MTUS2: variants seen among roughly 807,000 people sequenced by gnomAD.
MTUS2 encodes microtubule associated scaffold protein 2, also known as microtubule-associated tumor suppressor candidate 2.
Under a neutral mutation model 114.1 loss-of-function variants are expected in MTUS2, and 40 were observed. The ratio of observed to expected loss-of-function variants is 0.35; its 90% confidence interval spans 0.27 to 0.46. MTUS2 has a LOEUF of 0.46. Among genes scored for constraint, MTUS2 ranks in the 20% least tolerant of loss-of-function variants. The pLI, the probability that MTUS2 is intolerant of heterozygous loss-of-function variation, is 1.00. For missense variants in MTUS2, 1,679 were observed against 1,705.4 expected (o/e 0.98, Z 0.27); for synonymous variants, 688 against 672.0 (o/e 1.02, Z -0.37).
chr13:29,335,177 G>C (rs975715306), intron 7 of MTUS2, among the ~76,000 whole-genome samples: 3 of 152,184 alleles, frequency 2.0e-5, no homozygotes, highest in African/African-American at 7.2e-5. Flanking sequence ...CTGAGAAAGA[G>C]AATGCGTCCC....
At chr13:28,853,546 A>G (rs1388194813) in intron 2 of MTUS2, among the ~76,000 whole-genome samples, 1 of 152,230 alleles carries the variant, frequency 6.6e-6, no homozygotes, top group Non-Finnish European at 1.5e-5. Flanking sequence ...TGGAAGTTCC[A>G]TTGTGTGGAG....
chr13:29,211,892 A>C (rs148573024), intron 5 of MTUS2, among the ~76,000 whole-genome samples: 2 of 151,054 alleles, frequency 1.3e-5, no homozygotes, highest in Admixed American at 6.6e-5. Context: ...CTTGGAGCCA[A>C]AGTTCACAGT....
chr13:29,145,486 C>T (rs1365343348), intron 5 of MTUS2, among the ~76,000 whole-genome samples: 1 of 152,144 alleles, frequency 6.6e-6, no homozygotes. Context: ...TGCCACTGCA[C>T]TCCAGCCTGG....
chr13:29,043,162 T>G (rs1479741183), intron 4 of MTUS2, among the ~76,000 whole-genome samples: 2 of 152,172 alleles, frequency 1.3e-5, no homozygotes, highest in African/African-American at 2.4e-5. Context: ...AAATAATTTT[T>G]TAATTTCTAT....
Position 28,879,648 on chromosome 13 carries a change from T to A in MTUS2, c.-243+39798T>A, listed in dbSNP as rs369425263. The stretch of plus-strand genomic sequence containing the variant: ...GAGAGTGAATTTCTCCTGAATAGGA[T>A]ATTTTGCTCTATCTGCTTTAAGAGA... On this transcript the variant is annotated intron_variant, in intron 2 of 15. Coordinates refer to ENST00000612955, the MANE Select transcript of MTUS2 (RefSeq NM_001033602.4). Among the ~76,000 whole-genome samples the A allele has an allele frequency of 7.2e-5, 11 of 152,340 alleles. 1 individual carries two copies. In the East Asian group the frequency reaches 2.1e-3, roughly 29 times the overall value.
chr13:28,871,058 T>C (rs1877586387), intron 2 of MTUS2, among the ~76,000 whole-genome samples: 1 of 152,222 alleles, frequency 6.6e-6, no homozygotes, highest in Non-Finnish European at 1.5e-5. Context: ...ATGTAACACA[T>C]GTTTATTAAG....
intron 4 of MTUS2, among the ~76,000 whole-genome samples, chr13:29,060,658 AT>A (rs1888372997): frequency 1.3e-5 from 2 of 148,350 alleles, no homozygotes; most frequent in African/African-American, 5.0e-5. Flanking sequence ...TAATCCTCCA[AT>A]TTCTGCCTTT....
intron 8 of MTUS2, among the ~76,000 whole-genome samples, chr13:29,370,094 A>G (rs541643925): frequency 6.6e-6 from 1 of 152,328 alleles, no homozygotes; most frequent in South Asian, 2.1e-4. Flanking sequence ...TCATGCCTAT[A>G]ATCCCAGCAC....
At chr13:28,997,784 C>G (rs1885184703) in intron 2 of MTUS2, among the ~76,000 whole-genome samples, 1 of 151,980 alleles carries the variant, frequency 6.6e-6, no homozygotes, top group East Asian at 1.9e-4. Context: ...CTATGTGTGT[C>G]TCTGCACGTG....
At position 29,246,964 on chromosome 13, in the gene MTUS2, C is replaced by CTTT. The variant is rs200277179; in HGVS notation, c.2645-34739_2645-34738insTTT. Among the ~76,000 whole-genome samples, 948 of 150,616 alleles carry CTTT rather than the reference C, an allele frequency of 6.3e-3. 8 individuals are homozygous for CTTT. Among genetic ancestry groups the CTTT allele is most frequent in the African/African-American group, 0.022 (914 of 41,160 alleles). ...AAGAGCCTGCATAGCCAAAGCAAGT[C>CTTT]TAAGCAAAAAGAACAAATCTGGAGG... On this transcript the variant is annotated intron_variant, in intron 5 of 15. Transcript: ENST00000612955.
In MTUS2 at chr13:29,026,085, A is replaced by C. The variant is rs1227542390; in HGVS notation, c.1387A>C (p.Asn463His). The change falls in exon 3 of 16, where the codon AAT becomes CAT. Residue 463 changes from asparagine (N) to histidine (H), a missense_variant. Coordinates refer to ENST00000612955, the MANE Select transcript of MTUS2 (RefSeq NM_001033602.4). Reference protein sequence around the residue: ...IEEERRLGSGNKDSVMVLVFN... With the variant: ...IEEERRLGSGHKDSVMVLVFN... ...GGAGGAAAGGCGGTTGGGCAGTGGG[A>C]ATAAGGACAGTGTTATGGTTTTGGT... 3.1e-6 allele frequency: 5 copies of C among 1,613,970 alleles called. No individual in the cohort carries two copies. In the Admixed American group the frequency reaches 8.3e-5, roughly 27 times the overall value.
At chr13:29,345,292 A>G (rs930028227) in intron 7 of MTUS2, among the ~76,000 whole-genome samples, 1 of 152,070 alleles carries the variant, frequency 6.6e-6, no homozygotes, top group Non-Finnish European at 1.5e-5. Context: ...AGAAACACCA[A>G]TTATTGTTAC....
chr13:28,954,316 T>G (rs1233872985), intron 2 of MTUS2, among the ~76,000 whole-genome samples: 1 of 152,214 alleles, frequency 6.6e-6, no homozygotes, highest in Non-Finnish European at 1.5e-5. Flanking sequence ...CCTCACACCA[T>G]AAGTGCTGAC....
intron 2 of MTUS2, among the ~76,000 whole-genome samples, chr13:28,923,242 A>G (rs949383317): frequency 1.3e-5 from 2 of 152,216 alleles, no homozygotes; most frequent in Non-Finnish European, 2.9e-5. Context: ...TCCTTGTCAG[A>G]GAATGCTAAC....
chr13:28,857,736 A>AG (rs1399996473), intron 2 of MTUS2, among the ~76,000 whole-genome samples: 1 of 152,224 alleles, frequency 6.6e-6, no homozygotes, highest in Non-Finnish European at 1.5e-5. Flanking sequence ...AAACAAATCA[A>AG]GGTCAGGAGA....
At chr13:29,075,922 C>A (rs1889173777) in intron 4 of MTUS2, among the ~76,000 whole-genome samples, 1 of 152,158 alleles carries the variant, frequency 6.6e-6, no homozygotes, top group South Asian at 2.1e-4. Flanking sequence ...ATATTGAAGT[C>A]TTTAGCTTAT....
At chr13:29,328,174 T>C (rs967210045) in intron 7 of MTUS2, among the ~76,000 whole-genome samples, 2 of 146,182 alleles carry the variant, frequency 1.4e-5, no homozygotes, top group East Asian at 4.1e-4. Context: ...TTTACAAAAA[T>C]AGTATTCATT....
At chr13:29,243,236 A>T (rs1296087660) in intron 5 of MTUS2, among the ~76,000 whole-genome samples, 9 of 152,302 alleles carry the variant, frequency 5.9e-5, no homozygotes, top group Non-Finnish European at 1.3e-4. Flanking sequence ...AGAAAAGCTG[A>T]AGCTGAGCCT....
At chr13:29,371,188 A>T (rs1871158006) in intron 8 of MTUS2, among the ~76,000 whole-genome samples, 1 of 150,214 alleles carries the variant, frequency 6.7e-6, no homozygotes, top group African/African-American at 2.5e-5. Flanking sequence ...TTTAATGCAT[A>T]TTATTTCATT....
Sources: gnomAD v4.1 joint callset for allele counts (sites outside exome capture counted in the v4.1 genomes callset) on GRCh38, gnomAD v4.1.1 for gene constraint, MANE v1.5 for transcripts, NCBI Gene and HGNC (gene_info 2026-07-23, HGNC 2026-07-21) for gene names.